The following DACH1 variants were observed in gnomAD, a reference collection of about 807,000 sequenced individuals.
DACH1 encodes the protein dachshund family transcription factor 1, also known as dachshund homolog 1.
DACH1 carries 12 observed loss-of-function variants against 54.2 expected under a neutral mutation model. That is an observed-to-expected ratio of 0.22 (90% CI 0.14 to 0.36). The LOEUF (loss-of-function observed/expected upper bound fraction) is 0.36, where lower values mean the gene tolerates loss of function less well. Ranked by LOEUF, DACH1 falls within the 10% of genes least tolerant of loss-of-function variation. DACH1 has a pLI of 1.00. For missense variants in DACH1, 805 were observed against 929.8 expected (o/e 0.87, Z 1.75); for synonymous variants, 386 against 366.2 (o/e 1.05, Z -0.62).
intron 1 of DACH1, among the ~76,000 whole-genome samples, chr13:71,777,311 T>C (rs1594207594): frequency 6.6e-6 from 1 of 152,216 alleles, no homozygotes; most frequent in Admixed American, 6.6e-5. Context: ...TTAGCGTGTC[T>C]CCAACAAACT....
chr13:71,745,890 C>A (rs2137960510), intron 1 of DACH1, among the ~76,000 whole-genome samples: 1 of 152,280 alleles, frequency 6.6e-6, no homozygotes, highest in East Asian at 1.9e-4. Context: ...AGAGATAAGA[C>A]AATATTTTTT....
intron 3 of DACH1, among the ~76,000 whole-genome samples, chr13:71,625,639 T>C (rs965768635): frequency 6.6e-6 from 1 of 151,924 alleles, no homozygotes; most frequent in African/African-American, 2.4e-5. Flanking sequence ...AAGTCCTTAA[T>C]CTTACTTGAA....
intron 2 of DACH1, among the ~76,000 whole-genome samples, chr13:71,642,581 C>T (rs1009003766): frequency 1.3e-5 from 2 of 152,200 alleles, no homozygotes; most frequent in African/African-American, 4.8e-5. Flanking sequence ...CATTTCACAT[C>T]TAGTCACTCT....
At chr13:71,859,246 A>C (rs1874198077) in intron 1 of DACH1, among the ~76,000 whole-genome samples, 1 of 151,768 alleles carries the variant, frequency 6.6e-6, no homozygotes, top group Non-Finnish European at 1.5e-5. Flanking sequence ...GGCAAATTTA[A>C]TGTCCAATTT....
At chr13:71,692,850 T>G (rs1431291471) in intron 1 of DACH1, among the ~76,000 whole-genome samples, 1 of 152,148 alleles carries the variant, frequency 6.6e-6, no homozygotes, top group African/African-American at 2.4e-5. Context: ...TATTTTCTTG[T>G]GATGCCTTAT....
At chr13:71,652,524 C>T (rs1878758479) in intron 2 of DACH1, among the ~76,000 whole-genome samples, 1 of 152,160 alleles carries the variant, frequency 6.6e-6, no homozygotes. Context: ...TATCCTTCAA[C>T]TCAGCATCTG....
At chr13:71,797,961 T>C (rs1323817293) in intron 1 of DACH1, among the ~76,000 whole-genome samples, 1 of 152,122 alleles carries the variant, frequency 6.6e-6, no homozygotes. Flanking sequence ...ACAGTTTCAC[T>C]GTAATTTCAA....
At chr13:71,485,273 A>T (rs1878389424) in intron 7 of DACH1, among the ~76,000 whole-genome samples, 1 of 151,590 alleles carries the variant, frequency 6.6e-6, no homozygotes, top group African/African-American at 2.4e-5. Flanking sequence ...CATATAGAAA[A>T]AATAAAAGCA....
At chr13:71,605,571 T>C (rs1220397744) in intron 3 of DACH1, among the ~76,000 whole-genome samples, 1 of 151,950 alleles carries the variant, frequency 6.6e-6, no homozygotes, top group Non-Finnish European at 1.5e-5. Context: ...TTACTTTTCA[T>C]ATAATAAAAC....
chr13:71,743,064 A>T (rs1166401532), intron 1 of DACH1, among the ~76,000 whole-genome samples: 1 of 152,194 alleles, frequency 6.6e-6, no homozygotes, highest in Non-Finnish European at 1.5e-5. Context: ...TATGATGGAC[A>T]TAGTAGAATG....
chr13:71,526,554 T>G (rs1282693013), intron 6 of DACH1, among the ~76,000 whole-genome samples: 3 of 151,934 alleles, frequency 2.0e-5, no homozygotes, highest in African/African-American at 4.8e-5. Flanking sequence ...CAAAAGTCAT[T>G]TTTGAACTCA....
At chr13:71,467,547 T>TA (rs200511669) in intron 10 of DACH1, among the ~76,000 whole-genome samples, 15 of 150,956 alleles carry the variant, frequency 9.9e-5, no homozygotes, top group Admixed American at 2.0e-4. Context: ...TATGCTGAAA[T>TA]AAAAAAAATT....
At chr13:71,570,608 G>A (rs1885137067) in intron 4 of DACH1, among the ~76,000 whole-genome samples, 1 of 152,132 alleles carries the variant, frequency 6.6e-6, no homozygotes, top group Admixed American at 6.5e-5. Context: ...TTTGCAACAG[G>A]AGAAGAAGTG....
chr13:71,653,056 A>G (rs1878796887), intron 2 of DACH1, among the ~76,000 whole-genome samples: 2 of 152,182 alleles, frequency 1.3e-5, no homozygotes, highest in Admixed American at 1.3e-4. Context: ...AAACTAAAAC[A>G]CACATTTGGT....
At chr13:71,723,075 C>G (rs1240995448) in intron 1 of DACH1, among the ~76,000 whole-genome samples, 1 of 151,948 alleles carries the variant, frequency 6.6e-6, no homozygotes. Flanking sequence ...AACCGTTGTA[C>G]ATTTCTCTAT....
chr13:71,450,189 TTTTG>T (rs1048635515), intron 10 of DACH1, among the ~76,000 whole-genome samples: 21 of 151,988 alleles, frequency 1.4e-4, no homozygotes, highest in Middle Eastern at 3.2e-3. Context: ...TTTTTTGGTT[TTTTG>T]TTTGTTTGTT....
intron 10 of DACH1, among the ~76,000 whole-genome samples, chr13:71,467,297 A>G (rs1876667408): frequency 7.0e-6 from 1 of 142,642 alleles, no homozygotes; most frequent in Admixed American, 7.2e-5. Flanking sequence ...AGAATTGAAC[A>G]ATGAGAACAC....
chr13:71,543,460 C>A (rs1883265453), intron 6 of DACH1, among the ~76,000 whole-genome samples: 1 of 151,872 alleles, frequency 6.6e-6, no homozygotes, highest in Admixed American at 6.6e-5. Flanking sequence ...GAAAAAACAT[C>A]AAAAAACTCT....
In DACH1 at chr13:71,475,716, C is replaced by A. The variant is rs896175502; in HGVS notation, c.2004G>T (p.Arg668Ser). 5.0e-6 allele frequency: 8 copies of A among 1,611,774 alleles called. No homozygotes were observed. Among genetic ancestry groups the A allele is most frequent in the African/African-American group, 1.3e-5 (1 of 74,754 alleles). ...LKQAASTDSL[R>S]VLNDSLTPEI... Reference sequence around the variant, plus strand: ...TATACACCCTCTTACCATTTAAGACCCTGAGACTATCTGTTGAAGCTGCCT... The same window carrying A: ...TATACACCCTCTTACCATTTAAGACACTGAGACTATCTGTTGAAGCTGCCT... The change falls in exon 9 of 11, where the codon AGG becomes AGT. Residue 668 changes from arginine (R) to serine (S), a missense_variant. Physicochemically the swap from Arg to Ser is moderately radical, Grantham distance 110 (BLOSUM62 -1). Around this residue, in one of 3 missense-constraint regions of DACH1, gnomAD observed 472 missense variants for 545.3 expected, o/e 0.87. Transcript: ENST00000613252.
Sources: gnomAD v4.1 joint callset for allele counts (sites outside exome capture counted in the v4.1 genomes callset) on GRCh38, gnomAD v4.1.1 for gene constraint, gnomAD v4.1.1 regional missense constraint, MANE v1.5 for transcripts, NCBI Gene and HGNC (gene_info 2026-07-23, HGNC 2026-07-21) for gene names.